Variants in NRXN3 observed in about 807,000 individuals in gnomAD.
The protein encoded by NRXN3 is neurexin 3.
NRXN3 carries 32 observed loss-of-function variants against 137.6 expected under a neutral mutation model. That is an observed-to-expected ratio of 0.23 (90% CI 0.18 to 0.31). NRXN3 has a LOEUF of 0.31. Among genes scored for constraint, NRXN3 ranks in the 10% least tolerant of loss-of-function variants. The pLI, the probability that NRXN3 is intolerant of heterozygous loss-of-function variation, is 1.00. For missense variants in NRXN3, 1,574 were observed against 2,062.5 expected (o/e 0.76, Z 4.59); for synonymous variants, 798 against 784.5 (o/e 1.02, Z -0.29).
At chr14:78,372,862 T>C (rs933188117) in intron 4 of NRXN3, among the ~76,000 whole-genome samples, 2 of 152,102 alleles carry the variant, frequency 1.3e-5, no homozygotes, top group Non-Finnish European at 2.9e-5. Flanking sequence ...TTAAGTAAAA[T>C]AAGTATGCTA....
At chr14:79,127,720 T>C (rs1271925520) in intron 15 of NRXN3, among the ~76,000 whole-genome samples, 3 of 152,204 alleles carry the variant, frequency 2.0e-5, no homozygotes, top group South Asian at 2.1e-4. Context: ...AAGAAAGTCA[T>C]TGGTAGCTTT....
At chr14:78,784,736 T>A (rs1447545966) in intron 8 of NRXN3, among the ~76,000 whole-genome samples, 1 of 152,086 alleles carries the variant, frequency 6.6e-6, no homozygotes, top group Non-Finnish European at 1.5e-5. Flanking sequence ...GGAAGTCTAG[T>A]TAGTAGACAG....
intron 15 of NRXN3, among the ~76,000 whole-genome samples, chr14:79,393,424 A>G (rs182465091): frequency 3.0e-4 from 45 of 152,338 alleles, no homozygotes; most frequent in African/African-American, 1.1e-3. Context: ...ACTTTCTCCG[A>G]ATGAAGTTCA....
At chr14:79,128,087 G>A (rs80133701) in intron 15 of NRXN3, among the ~76,000 whole-genome samples, 1 of 150,314 alleles carries the variant, frequency 6.7e-6, no homozygotes, top group Non-Finnish European at 1.5e-5. Context: ...CTGAGACAGT[G>A]GGGTTTTCTA....
At chr14:79,083,576 C>G (rs1477261885) in intron 15 of NRXN3, among the ~76,000 whole-genome samples, 1 of 152,146 alleles carries the variant, frequency 6.6e-6, no homozygotes, top group Admixed American at 6.5e-5. Flanking sequence ...GTGGGGGACC[C>G]AGGGAATAGA....
intron 10 of NRXN3, among the ~76,000 whole-genome samples, chr14:78,954,019 T>G (rs1048768945): frequency 6.6e-6 from 1 of 152,156 alleles, no homozygotes; most frequent in Non-Finnish European, 1.5e-5. Context: ...CTTCACTGGG[T>G]TTTTGCTTGA....
intron 4 of NRXN3, among the ~76,000 whole-genome samples, chr14:78,386,195 G>T (rs2089959578): frequency 6.6e-6 from 1 of 152,108 alleles, no homozygotes; most frequent in Non-Finnish European, 1.5e-5. Flanking sequence ...TATTATATTT[G>T]ATTTTCAGAG....
chr14:78,312,183 A>T (rs2078053214), intron 4 of NRXN3, among the ~76,000 whole-genome samples: 1 of 152,128 alleles, frequency 6.6e-6, no homozygotes, highest in Admixed American at 6.5e-5. Flanking sequence ...CAGTGTGCAA[A>T]CTTTCTAAAA....
At chr14:79,784,071 G>A (rs76070666) in intron 19 of NRXN3, among the ~76,000 whole-genome samples, 2,704 of 152,252 alleles carry the variant, frequency 0.018, 83 homozygotes, top group African/African-American at 0.059. Flanking sequence ...AGATGGAAAT[G>A]GAGCCTTGTT....
At chr14:79,017,049 T>G (rs2099580456) in intron 15 of NRXN3, among the ~76,000 whole-genome samples, 1 of 152,150 alleles carries the variant, frequency 6.6e-6, no homozygotes, top group Non-Finnish European at 1.5e-5. Context: ...CCTCAAATAT[T>G]TGTGGAATGA....
chr14:78,571,232 C>A (rs2096886527), intron 4 of NRXN3, among the ~76,000 whole-genome samples: 1 of 152,084 alleles, frequency 6.6e-6, no homozygotes, highest in Non-Finnish European at 1.5e-5. Flanking sequence ...GATAACTGAC[C>A]ACTCTCTGGA....
chr14:79,220,214 G>A (rs987189655), intron 15 of NRXN3, among the ~76,000 whole-genome samples: 1 of 152,158 alleles, frequency 6.6e-6, no homozygotes, highest in Non-Finnish European at 1.5e-5. Context: ...TTCAGCACTT[G>A]AAAGACTTTG....
At chr14:79,804,310 A>T (rs974639173) in intron 19 of NRXN3, among the ~76,000 whole-genome samples, 9 of 152,172 alleles carry the variant, frequency 5.9e-5, no homozygotes, top group African/African-American at 2.2e-4. Flanking sequence ...GAAAGCAGTC[A>T]TCTCACCTAC....
chr14:78,985,807 T>A (rs1281268513), intron 14 of NRXN3, among the ~76,000 whole-genome samples: 2 of 152,174 alleles, frequency 1.3e-5, no homozygotes, highest in South Asian at 4.1e-4. Flanking sequence ...AAAGAAGCTG[T>A]CCTGATTTAC....
intron 16 of NRXN3, among the ~76,000 whole-genome samples, chr14:79,640,633 A>C (rs2098427317): frequency 7.4e-6 from 1 of 135,718 alleles, no homozygotes; most frequent in African/African-American, 2.5e-5. Flanking sequence ...CCTATAAAGA[A>C]AACAAGTTTT....
chr14:79,576,689 T>A (rs2153805643), intron 16 of NRXN3, among the ~76,000 whole-genome samples: 1 of 152,280 alleles, frequency 6.6e-6, no homozygotes, highest in African/African-American at 2.4e-5. Context: ...CTGACTCATA[T>A]CAGAGACTCC....
intron 4 of NRXN3, among the ~76,000 whole-genome samples, chr14:78,593,589 A>G (rs1416926570): frequency 6.6e-6 from 1 of 152,190 alleles, no homozygotes; most frequent in Admixed American, 6.5e-5. Context: ...TGCCTTGGCC[A>G]AAAGACATCC....
At chr14:78,827,184 A>G (rs576191343) in intron 10 of NRXN3, among the ~76,000 whole-genome samples, 1 of 151,972 alleles carries the variant, frequency 6.6e-6, no homozygotes, top group East Asian at 1.9e-4. Context: ...TCTGTTGCTG[A>G]TCATCAGCAA....
At chr14:79,526,099 G>A (rs550535764) in intron 16 of NRXN3, among the ~76,000 whole-genome samples, 3 of 152,244 alleles carry the variant, frequency 2.0e-5, no homozygotes, top group East Asian at 3.9e-4. Flanking sequence ...CCAGGCTGGA[G>A]TGCAATGGCG....
Sources: gnomAD v4.1 joint callset for allele counts (sites outside exome capture counted in the v4.1 genomes callset) on GRCh38, gnomAD v4.1.1 for gene constraint, MANE v1.5 for transcripts, NCBI Gene and HGNC (gene_info 2026-07-23, HGNC 2026-07-21) for gene names.